Variants in CNTN5 observed in about 807,000 individuals in gnomAD.
The protein encoded by CNTN5 is contactin 5.
In CNTN5, 77 loss-of-function variants were observed where a neutral mutation model predicts 129.1. The ratio of observed to expected loss-of-function variants is 0.60; its 90% CI spans 0.50 to 0.72. The LOEUF is 0.72. Ranked by LOEUF, CNTN5 falls within the 30% of genes least tolerant of loss-of-function variation. CNTN5 has a pLI of 0.00. For missense variants in CNTN5, 1,478 were observed against 1,328.8 expected (o/e 1.11, Z -1.75); for synonymous variants, 509 against 465.6 (o/e 1.09, Z -1.20).
chr11:99,030,898 A>T (rs1287418993), intron 1 of CNTN5, among the ~76,000 whole-genome samples: 1 of 149,844 alleles, frequency 6.7e-6, no homozygotes, highest in Non-Finnish European at 1.5e-5. Flanking sequence ...CTGCTGCCTC[A>T]GCCTCCCGAG....
At chr11:99,974,281 C>T (rs1038495914) in intron 8 of CNTN5, among the ~76,000 whole-genome samples, 9 of 152,126 alleles carry the variant, frequency 5.9e-5, no homozygotes, top group African/African-American at 2.2e-4. Context: ...GAGTACACGC[C>T]TAATCTTTAT....
At chr11:99,199,021 G>C (rs1320144368) in intron 1 of CNTN5, among the ~76,000 whole-genome samples, 1 of 152,120 alleles carries the variant, frequency 6.6e-6, no homozygotes, top group Non-Finnish European at 1.5e-5. Flanking sequence ...GAATAAAGAA[G>C]GAATAAATAT....
intron 14 of CNTN5, among the ~76,000 whole-genome samples, chr11:100,192,444 C>G (rs970354290): frequency 1.3e-5 from 2 of 151,862 alleles, no homozygotes; most frequent in Admixed American, 6.6e-5. Context: ...CCATTTTTTT[C>G]TCAGTGACTG....
At chr11:99,834,567 T>G (rs934663114) in intron 4 of CNTN5, among the ~76,000 whole-genome samples, 1 of 152,120 alleles carries the variant, frequency 6.6e-6, no homozygotes, top group African/African-American at 2.4e-5. Flanking sequence ...TGCACTTTTA[T>G]TTGTCCTTTT....
intron 2 of CNTN5, among the ~76,000 whole-genome samples, chr11:99,477,020 T>TA (rs199637736): frequency 0.05 from 7,545 of 151,932 alleles, 203 homozygotes; most frequent in South Asian, 0.082. Flanking sequence ...AGACTTTCTT[T>TA]AAAAAAAATT....
intron 3 of CNTN5, among the ~76,000 whole-genome samples, chr11:99,815,448 C>A (rs1946556563): frequency 6.6e-6 from 1 of 152,000 alleles, no homozygotes. Context: ...TAAAAATATC[C>A]CTGAGAGAGG....
chr11:99,752,437 T>G (rs1944265892), intron 3 of CNTN5, among the ~76,000 whole-genome samples: 1 of 151,922 alleles, frequency 6.6e-6, no homozygotes, highest in African/African-American at 2.4e-5. Context: ...GTCAGTAGAT[T>G]AACAGACAAT....
chr11:100,228,894 G>A (rs1262242243), intron 16 of CNTN5, among the ~76,000 whole-genome samples: 1 of 152,142 alleles, frequency 6.6e-6, no homozygotes, highest in South Asian at 2.1e-4. Context: ...TGTGGGGCTG[G>A]ATATGTAATC....
chr11:99,081,573 C>A lies in CNTN5; in HGVS notation c.-210+60303C>A, dbSNP rs1865798539. Among the ~76,000 whole-genome samples, 3 of 152,290 alleles carry A rather than the reference C, an allele frequency of 2.0e-5. No homozygotes were observed. In the South Asian group the frequency reaches 6.2e-4, roughly 32 times the overall value. On this transcript the variant is annotated intron_variant, in intron 1 of 24. Coordinates refer to ENST00000524871, the MANE Select transcript of CNTN5 (RefSeq NM_014361.4). ...TGATCTCAGGATGATATCATATCTA[C>A]TTATTGATCCTTCTAACACCAACAA... is the stretch of plus-strand genomic sequence containing the variant.
chr11:99,900,628 AC>A (rs796653621), intron 6 of CNTN5, among the ~76,000 whole-genome samples: 24 of 152,086 alleles, frequency 1.6e-4, no homozygotes, highest in African/African-American at 5.8e-4. Context: ...TATTTCTACA[AC>A]CCTTTACTTT....
In CNTN5 at chr11:99,402,581, T is replaced by G. The variant is rs543879033; in HGVS notation, c.-71+77097T>G. ...TCTCATTATGATATCAGGATAATACTGACATCGTAGAATACTTTTGAAGCA... is the reference window on the plus strand; with the variant it reads ...TCTCATTATGATATCAGGATAATACGGACATCGTAGAATACTTTTGAAGCA... On this transcript the variant is annotated intron_variant, in intron 2 of 24. Coordinates refer to ENST00000524871, the MANE Select transcript of CNTN5 (RefSeq NM_014361.4). 3.3e-5 allele frequency among the ~76,000 whole-genome samples: 5 copies of G among 152,336 alleles called. No homozygotes were observed. In the South Asian group the frequency reaches 1.0e-3, roughly 32 times the overall value.
chr11:99,893,480 T>G (rs1441194010), intron 6 of CNTN5, among the ~76,000 whole-genome samples: 3 of 152,170 alleles, frequency 2.0e-5, no homozygotes, highest in African/African-American at 7.2e-5. Context: ...TATTAATTTA[T>G]TAGACAAATG....
intron 3 of CNTN5, among the ~76,000 whole-genome samples, chr11:99,629,094 T>C (rs1250425669): frequency 6.6e-6 from 1 of 151,988 alleles, no homozygotes; most frequent in Non-Finnish European, 1.5e-5. Context: ...ATAAATATGT[T>C]GGGTCAATGC....
At chr11:99,394,607 T>G (rs1941426533) in intron 2 of CNTN5, among the ~76,000 whole-genome samples, 1 of 151,616 alleles carries the variant, frequency 6.6e-6, no homozygotes. Flanking sequence ...TAAACTTTTG[T>G]TATGGGGTTT....
At chr11:100,218,339 G>T (rs147372348) in intron 15 of CNTN5, among the ~76,000 whole-genome samples, 19 of 152,278 alleles carry the variant, frequency 1.2e-4, no homozygotes, top group African/African-American at 4.6e-4. Flanking sequence ...AAAAGAGAAA[G>T]TATAAACATT....
chr11:99,509,879 G>A (rs904493062), intron 2 of CNTN5, among the ~76,000 whole-genome samples: 17 of 151,828 alleles, frequency 1.1e-4, no homozygotes, highest in African/African-American at 4.1e-4. Flanking sequence ...GATAATAAAA[G>A]GTAATGCTGC....
At chr11:99,813,506 T>C (rs541258080) in intron 3 of CNTN5, among the ~76,000 whole-genome samples, 6 of 152,164 alleles carry the variant, frequency 3.9e-5, no homozygotes, top group Non-Finnish European at 8.8e-5. Context: ...TTGTTTTGTT[T>C]TGTTTTACTA....
chr11:99,288,953 T>C, intron 1 of CNTN5, among the ~76,000 whole-genome samples: 1 of 151,782 alleles, frequency 6.6e-6, no homozygotes, highest in East Asian at 1.9e-4. Flanking sequence ...GTGTATTTGG[T>C]TCCTAGATCC....
intron 6 of CNTN5, among the ~76,000 whole-genome samples, chr11:99,878,337 A>C (rs762950076): frequency 7.2e-5 from 11 of 152,168 alleles, no homozygotes; most frequent in Non-Finnish European, 1.5e-4. Flanking sequence ...AGTTGACTTT[A>C]CTTTGATGAA....
Sources: gnomAD v4.1 joint callset for allele counts (sites outside exome capture counted in the v4.1 genomes callset) on GRCh38, gnomAD v4.1.1 for gene constraint, MANE v1.5 for transcripts, NCBI Gene and HGNC (gene_info 2026-07-23, HGNC 2026-07-21) for gene names.